Variants in IRGM observed in about 807,000 individuals in gnomAD.
IRGM encodes the protein immunity-related GTPase family M protein.
For missense variants in IRGM, 288 were observed against 219.9 expected (o/e 1.31, Z -1.96); for synonymous variants, 98 against 80.6 (o/e 1.22, Z -1.16).
intron 3 of IRGM, chr5:150,900,573 T>A (rs540270518): frequency 5.3e-5 from 8 of 152,132 alleles, no homozygotes; most frequent in Non-Finnish European, 1.2e-4. Context: ...TTTCTACATC[T>A]CTTTTTTCTC....
rs151051007 is a variant in IRGM, at chr5:150,875,787, G to A, written c.159-2193G>A. Among the ~76,000 whole-genome samples the A allele has an allele frequency of 6.6e-3, 1,001 of 152,270 alleles. 12 individuals carry two copies. The highest frequency in any genetic ancestry group is 0.023 in the African/African-American group (954 of 41,540). The stretch of plus-strand genomic sequence containing the variant: ...ATTTGCCAGCAGCAGAGACCAACAC[G>A]GAGCCCTTGATATGGCACCATTCCT... On this transcript the variant is annotated intron_variant and NMD_transcript_variant, in intron 1 of 3. Coordinates refer to the IRGM transcript ENST00000520549.
At chr5:150,864,899 A>T (rs568015358) in intron 1 of IRGM, among the ~76,000 whole-genome samples, 1 of 152,246 alleles carries the variant, frequency 6.6e-6, no homozygotes, top group Admixed American at 6.5e-5. Flanking sequence ...ATGACTGATT[A>T]TTGCTCTTGA....
intron 1 of IRGM, among the ~76,000 whole-genome samples, chr5:150,862,814 G>A (rs1253905267): frequency 1.3e-5 from 2 of 152,296 alleles, no homozygotes; most frequent in African/African-American, 4.8e-5. Context: ...GGAGAGCAAT[G>A]ACAGCCCTAG....
intron 3 of IRGM, chr5:150,898,678 G>GT: frequency 8.6e-7 from 1 of 1,159,086 alleles, no homozygotes; most frequent in Middle Eastern, 2.1e-4. Flanking sequence ...ATAAAATCCT[G>GT]TTTTTAGCAA....
At chr5:150,877,904 C>A in intron 1 of IRGM, 1 of 423,876 alleles carries the variant, frequency 2.4e-6, no homozygotes, top group South Asian at 1.7e-5. Flanking sequence ...CATTGAATTT[C>A]ATTTGCTTAT....
At position 150,875,780 on chromosome 5, in the gene IRGM, C is replaced by A. The variant is rs1368367961; in HGVS notation, c.159-2200C>A. ...GTGCCCAATTTGCCAGCAGCAGAGA[C>A]CAACACGGAGCCCTTGATATGGCAC... On this transcript the variant is annotated intron_variant and NMD_transcript_variant, in intron 1 of 3. Transcript: ENST00000520549. Among the ~76,000 whole-genome samples, 11 of 152,276 alleles carry A rather than the reference C, an allele frequency of 7.2e-5. 3 individuals carry two copies. Among genetic ancestry groups the A allele is most frequent in the Admixed American group, 7.2e-4 (11 of 15,300 alleles).
chr5:150,901,760 C>T (rs1329368243), downstream of IRGM, among the ~76,000 whole-genome samples: 1 of 152,040 alleles, frequency 6.6e-6, no homozygotes, highest in East Asian at 1.9e-4. Flanking sequence ...TAATCTCTAT[C>T]TGTAAGATGA....
intron 1 of IRGM, among the ~76,000 whole-genome samples, chr5:150,858,058 G>C (rs1225901536): frequency 6.6e-6 from 1 of 152,118 alleles, no homozygotes; most frequent in Non-Finnish European, 1.5e-5. Context: ...TATGGTTTTA[G>C]GTCTAATGTT....
chr5:150,887,452 C>T (rs1754543212), intron 3 of IRGM, among the ~76,000 whole-genome samples: 1 of 151,820 alleles, frequency 6.6e-6, no homozygotes, highest in African/African-American at 2.4e-5. Context: ...TGTAAAGTGT[C>T]TAAATCTATG....
At chr5:150,853,455 T>G (rs896000169), downstream of IRGM, among the ~76,000 whole-genome samples, 3 of 152,114 alleles carry the variant, frequency 2.0e-5, no homozygotes, top group Non-Finnish European at 2.9e-5. Flanking sequence ...GTCTGCAGAA[T>G]TGTTCAAGAC....
intron 2 of IRGM, chr5:150,878,242 C>G: frequency 3.1e-6 from 1 of 319,902 alleles, no homozygotes; most frequent in Non-Finnish European, 6.1e-6. Context: ...ATAGTGATCC[C>G]AACTTCCTGA....
rs574220059 is a variant in IRGM at position 150,859,708 on chromosome 5, T to G, written c.158+11054T>G. 9.5e-4 allele frequency among the ~76,000 whole-genome samples: 144 copies of G among 152,354 alleles called. 1 individual carries two copies. Among genetic ancestry groups the G allele is most frequent in the African/African-American group, 3.3e-3 (138 of 41,586 alleles). On this transcript the variant is annotated intron_variant and NMD_transcript_variant, in intron 1 of 3. Transcript: ENST00000520549. ...CATTTCTTCTAGATTTTCTAGTTTATTTGCATAGAGGTGTTTATAGTATTC... is the reference window on the plus strand; with the variant it reads ...CATTTCTTCTAGATTTTCTAGTTTAGTTGCATAGAGGTGTTTATAGTATTC...
intron 1 of IRGM, among the ~76,000 whole-genome samples, chr5:150,854,816 G>A (rs981816961): frequency 6.6e-6 from 1 of 151,988 alleles, no homozygotes; most frequent in African/African-American, 2.4e-5. Context: ...GGTTCATACA[G>A]CTTCTTTGTA....
At chr5:150,885,393 C>T (rs1754506352) in intron 3 of IRGM, among the ~76,000 whole-genome samples, 1 of 151,864 alleles carries the variant, frequency 6.6e-6, no homozygotes, top group South Asian at 2.1e-4. Flanking sequence ...GCCTTGGCTA[C>T]TTGAGATCTT....
At chr5:150,855,842 C>T (rs1754040624) in intron 1 of IRGM, among the ~76,000 whole-genome samples, 1 of 151,990 alleles carries the variant, frequency 6.6e-6, no homozygotes, top group Non-Finnish European at 1.5e-5. Context: ...AGGAAGAAGG[C>T]AAAAACACAG....
chr5:150,849,504 T>C (rs11749391), downstream of IRGM, among the ~76,000 whole-genome samples: 32,349 of 151,996 alleles, frequency 0.21, 5,608 homozygotes, highest in African/African-American at 0.46. Context: ...TAATTATATT[T>C]AGTGTTATTG....
At chr5:150,858,304 T>C (rs1754087232) in intron 1 of IRGM, among the ~76,000 whole-genome samples, 2 of 152,348 alleles carry the variant, frequency 1.3e-5, no homozygotes, top group Admixed American at 1.3e-4. Flanking sequence ...TTGGTACCAG[T>C]ACCATGCTGT....
At chr5:150,888,486 CCAAAAATAA>C (rs1176114523) in intron 3 of IRGM, among the ~76,000 whole-genome samples, 7 of 151,964 alleles carry the variant, frequency 4.6e-5, no homozygotes, top group Non-Finnish European at 1.0e-4. Context: ...AACTCTCCAC[CCAAAAATAA>C]CAGAATATAC....
intron 3 of IRGM, chr5:150,896,522 T>A: frequency 6.2e-7 from 1 of 1,613,710 alleles, no homozygotes; most frequent in Non-Finnish European, 8.5e-7. Flanking sequence ...CATCAAAAGG[T>A]ATTACTCCAT....
Sources: allele counts gnomAD v4.1 joint callset (sites outside exome capture counted in the v4.1 genomes callset), GRCh38; gene constraint gnomAD v4.1.1; transcripts MANE v1.5; gene names NCBI Gene and HGNC (gene_info 2026-07-23, HGNC 2026-07-21).